The following LMBRD1 variants were observed in gnomAD, a reference collection of about 807,000 sequenced individuals.
LMBRD1 encodes lysosomal cobalamin transport escort protein LMBD1.
LMBRD1 carries 64 observed loss-of-function variants against 74.8 expected under a neutral mutation model. The observed-to-expected ratio is 0.86, with a 90% CI of 0.70 to 1.05. The LOEUF is 1.05. Ranked by LOEUF, LMBRD1 falls within the 50% of genes least tolerant of loss-of-function variation. The pLI, the probability that LMBRD1 is intolerant of heterozygous loss-of-function variation, is 0.00. For synonymous variants in LMBRD1, 204 were observed against 216.3 expected (o/e 0.94, Z 0.50); for missense variants, 652 against 645.9 (o/e 1.01, Z -0.10).
At chr6:69,795,291 A>T (rs751003216) in intron 1 of LMBRD1, among the ~76,000 whole-genome samples, 2 of 152,182 alleles carry the variant, frequency 1.3e-5, no homozygotes, top group Admixed American at 6.5e-5. Context: ...TCTCTTCTTC[A>T]TCTATCCAAA....
At chr6:69,786,418 TTAAC>T (rs1438795150) in intron 2 of LMBRD1, among the ~76,000 whole-genome samples, 4 of 152,046 alleles carry the variant, frequency 2.6e-5, no homozygotes, top group East Asian at 1.9e-4. Flanking sequence ...TACCTTAATA[TTAAC>T]TAATTTTTTT....
intron 3 of LMBRD1, among the ~76,000 whole-genome samples, chr6:69,763,535 ACT>A (rs1480608674): frequency 1.3e-5 from 2 of 152,116 alleles, no homozygotes; most frequent in African/African-American, 4.8e-5. Context: ...AAAATGTACT[ACT>A]CTACAAGACA....
chr6:69,708,421 T>C (rs1582071688), intron 9 of LMBRD1, among the ~76,000 whole-genome samples: 1 of 152,172 alleles, frequency 6.6e-6, no homozygotes, highest in East Asian at 1.9e-4. Flanking sequence ...ACTGCATACA[T>C]TATTTCATTT....
chr6:69,753,807 C>T (rs1482674408), intron 3 of LMBRD1, among the ~76,000 whole-genome samples: 2 of 151,772 alleles, frequency 1.3e-5, no homozygotes, highest in Middle Eastern at 3.2e-3. Context: ...TGGGCGTGGT[C>T]GTGGGCACCT....
At chr6:69,781,275 G>A (rs1765830872) in intron 2 of LMBRD1, among the ~76,000 whole-genome samples, 1 of 152,214 alleles carries the variant, frequency 6.6e-6, no homozygotes, top group Admixed American at 6.5e-5. Context: ...ACCCTATTCT[G>A]TCAGAACTAA....
At chr6:69,697,725 T>C (rs1766037243) in intron 13 of LMBRD1, 84 bp from the exon 14 acceptor site, 1 of 753,946 alleles carries the variant, frequency 1.3e-6, no homozygotes, top group Non-Finnish European at 2.3e-6. Flanking sequence ...ATGAACTGTA[T>C]ACTCTGTATA....
chr6:69,723,863 G>C (rs1766669386), intron 7 of LMBRD1, among the ~76,000 whole-genome samples: 1 of 151,642 alleles, frequency 6.6e-6, no homozygotes, highest in Admixed American at 6.6e-5. Context: ...AAAAAAGATA[G>C]ATGAAACAAA....
intron 8 of LMBRD1, among the ~76,000 whole-genome samples, chr6:69,717,815 A>G (rs1766525039): frequency 6.6e-6 from 1 of 152,118 alleles, no homozygotes; most frequent in Non-Finnish European, 1.5e-5. Flanking sequence ...GTCCCAACTC[A>G]GTCTCCCAAG....
intron 1 of LMBRD1, among the ~76,000 whole-genome samples, chr6:69,793,305 G>T (rs1737132270): frequency 6.6e-6 from 1 of 152,190 alleles, no homozygotes; most frequent in Admixed American, 6.5e-5. Flanking sequence ...AACCACTGGG[G>T]CAGAAGAAGG....
chr6:69,682,043 G>C (rs543770257), intron 14 of LMBRD1, among the ~76,000 whole-genome samples: 32 of 151,824 alleles, frequency 2.1e-4, no homozygotes, highest in Non-Finnish European at 4.3e-4. Flanking sequence ...AGATTTTTAG[G>C]ATTTAAAATC....
At chr6:69,716,809 T>C (rs763658118) in intron 8 of LMBRD1, among the ~76,000 whole-genome samples, 7 of 151,718 alleles carry the variant, frequency 4.6e-5, no homozygotes, top group Non-Finnish European at 1.0e-4. Flanking sequence ...TACAAACATA[T>C]ACATACAATT....
At chr6:69,704,405 T>C (rs972221930) in intron 9 of LMBRD1, among the ~76,000 whole-genome samples, 2 of 152,100 alleles carry the variant, frequency 1.3e-5, no homozygotes, top group African/African-American at 2.4e-5. Context: ...ATGTATTTAC[T>C]TATGTCAATA....
At chr6:69,766,350 T>C (rs908458727) in intron 3 of LMBRD1, among the ~76,000 whole-genome samples, 1 of 152,078 alleles carries the variant, frequency 6.6e-6, no homozygotes, top group Admixed American at 6.5e-5. Flanking sequence ...TGTAACTATT[T>C]TGCTGATAAT....
At chr6:69,697,467 A>G in intron 14 of LMBRD1, 96 bp downstream of exon 14, 1 of 847,418 alleles carries the variant, frequency 1.2e-6, no homozygotes, top group Non-Finnish European at 2.0e-6. Context: ...CCTTCTTACC[A>G]CGTAGTAAAA....
rs944285630 is a variant in LMBRD1, at chr6:69,676,224, C to T, written c.1557G>A (p.Ser519=). The T allele has an allele frequency of 2.4e-5, 39 of 1,613,304 alleles. No individual in the cohort carries two copies. The highest frequency in any genetic ancestry group is 1.1e-4 in the East Asian group (5 of 44,752). The change falls in exon 16 of 16, where the codon TCG becomes TCA. Residue 519 remains serine (S), a synonymous_variant. Coordinates refer to ENST00000649934, the MANE Select transcript of LMBRD1 (RefSeq NM_018368.4). ...LIVSCCKGKK[S]VIEGVDEDSD... ...AATCTTCATCTACTCCTTCAATAACCGATTTCTTCCCTTTACAACAGGATA... is the reference window on the plus strand; with the variant it reads ...AATCTTCATCTACTCCTTCAATAACTGATTTCTTCCCTTTACAACAGGATA...
intron 5 of LMBRD1, among the ~76,000 whole-genome samples, chr6:69,743,960 A>G (rs1341571383): frequency 2.0e-5 from 3 of 152,210 alleles, no homozygotes; most frequent in East Asian, 3.8e-4. Context: ...AGCCCCATAG[A>G]CAAAGATCTA....
At chr6:69,747,237 C>T (rs1767256262) in intron 5 of LMBRD1, among the ~76,000 whole-genome samples, 3 of 152,078 alleles carry the variant, frequency 2.0e-5, no homozygotes, top group African/African-American at 4.8e-5. Context: ...TCTCTCTCCT[C>T]CACCCTCTCA....
chr6:69,676,565 T>C (rs1266090853), intron 14 of LMBRD1, 24 bp from the exon 15 acceptor site: 6 of 1,525,250 alleles, frequency 3.9e-6, no homozygotes, highest in Middle Eastern at 1.7e-4. Context: ...TAAAAGACTA[T>C]GGTGAGATAG....
chr6:69,716,199 T>G (rs1766485679), intron 8 of LMBRD1, among the ~76,000 whole-genome samples: 1 of 152,208 alleles, frequency 6.6e-6, no homozygotes, highest in South Asian at 2.1e-4. Flanking sequence ...ACCATACTAC[T>G]TTCCACAATG....
Sources: gnomAD v4.1 joint callset for allele counts (sites outside exome capture counted in the v4.1 genomes callset) on GRCh38, gnomAD v4.1.1 for gene constraint, MANE v1.5 for transcripts, NCBI Gene and HGNC (gene_info 2026-07-23, HGNC 2026-07-21) for gene names.